EIF2AK4: variants seen among roughly 807,000 people sequenced by gnomAD.
EIF2AK4 encodes the protein eIF-2-alpha kinase GCN2.
A neutral mutation model predicts 211.1 loss-of-function variants in EIF2AK4; 139 were observed. That is an observed-to-expected ratio of 0.66 (90% CI 0.57 to 0.76). The LOEUF (loss-of-function observed/expected upper bound fraction) is 0.76. Among genes scored for constraint, EIF2AK4 ranks in the 30% least tolerant of loss-of-function variants. The probability of loss-of-function intolerance (pLI) is 0.00; values close to 1 mark genes in which losing one functional copy is unlikely to be tolerated. For synonymous variants in EIF2AK4, 710 were observed against 751.3 expected (o/e 0.94, Z 0.90); for missense variants, 1,664 against 2,043.8 (o/e 0.81, Z 3.58).
At chr15:40,023,587 T>C (rs956166508) in intron 32 of EIF2AK4, among the ~76,000 whole-genome samples, 2 of 152,228 alleles carry the variant, frequency 1.3e-5, no homozygotes, top group Non-Finnish European at 1.5e-5. Context: ...TCCCCTGTTA[T>C]TGTTTCACTG....
At chr15:40,002,912 C>T in intron 22 of EIF2AK4, 124 bp downstream of exon 22, 1 of 1,142,070 alleles carries the variant, frequency 8.8e-7, no homozygotes, top group Non-Finnish European at 1.3e-6. Context: ...TAATTGACAT[C>T]ATATGGAATT....
At chr15:40,017,505 A>ATATATATATATATATG (rs2035321236) in intron 29 of EIF2AK4, among the ~76,000 whole-genome samples, 1 of 5,216 alleles carries the variant, frequency 1.9e-4, no homozygotes, top group African/African-American at 7.2e-4. Flanking sequence ...CTGTTTCTAT[A>ATATATATATATATATG]TATATATATA....
In EIF2AK4 at chr15:39,949,137, T is replaced by TA; in HGVS notation, c.383dup (p.Tyr128Ter). The change falls in exon 4 of 39, where the codon TAC (tyrosine) becomes TAAC (stop). Residue 128 changes from tyrosine to a stop codon, truncating the protein, a stop_gained and frameshift_variant. Coordinates refer to ENST00000263791, the MANE Select transcript of EIF2AK4 (RefSeq NM_001013703.4). LOFTEE classifies it high-confidence loss of function. Reference protein sequence around the residue: ...CGEVMIFELAYHVQSFLSEHN... With the variant: ...CGEVMIFELA ...TTAGGTGATGATCTTTGAACTGGCT[T>TA]ACCACGTGCAGTCATTTCTCAGCGA... is the stretch of plus-strand genomic sequence containing the variant. 1 of 1,614,106 alleles carries TA rather than the reference T, an allele frequency of 6.2e-7. No homozygotes were observed. The highest frequency in any genetic ancestry group is 8.5e-7 in the Non-Finnish European group (1 of 1,179,988).
chr15:40,012,579 C>T (rs1359221934), intron 27 of EIF2AK4, among the ~76,000 whole-genome samples: 2 of 152,080 alleles, frequency 1.3e-5, no homozygotes, highest in African/African-American at 2.4e-5. Context: ...AGAGAATCTG[C>T]ACAAGACTGC....
In EIF2AK4 at chr15:40,029,398, G is replaced by T. The variant is rs1191865324; in HGVS notation, c.4503-8G>T. ...GTTCTTTAATTGTTTTTGTTTGCTT[G>T]TTTTTAGAGAAGCTTCCGATAATCT... is the stretch of plus-strand genomic sequence containing the variant. On this transcript the variant is annotated splice_polypyrimidine_tract_variant and splice_region_variant and intron_variant, in intron 33 of 38. Coordinates refer to ENST00000263791, the MANE Select transcript of EIF2AK4 (RefSeq NM_001013703.4). 6.2e-7 allele frequency: 1 copy of T among 1,612,184 alleles called. No individual in the cohort carries two copies. Among genetic ancestry groups the T allele is most frequent in the Admixed American group, 1.7e-5 (1 of 59,886 alleles).
intron 20 of EIF2AK4, among the ~76,000 whole-genome samples, chr15:39,999,707 C>T (rs1259567654): frequency 1.3e-5 from 2 of 152,068 alleles, no homozygotes; most frequent in East Asian, 1.9e-4. Flanking sequence ...CCTATTCTGC[C>T]TCATCTGTTT....
intron 25 of EIF2AK4, 54 bp downstream of exon 25, chr15:40,008,249 G>A (rs2035188405): frequency 6.8e-7 from 1 of 1,479,384 alleles, no homozygotes; most frequent in African/African-American, 1.4e-5. Context: ...TCTTCACCAA[G>A]TGTGGTGGGG....
Position 39,976,470 on chromosome 15 carries a change from G to C in EIF2AK4, c.1875G>C (p.Pro625=), listed in dbSNP as rs776182878. ...CAGTGAAGCGCATCCCCATCAACCC[G>C]GCCAGCCGGCAGTTCCGCAGGATCA... ...CYAVKRIPIN[P]ASRQFRRIKG... Residue 625 remains proline (P), a synonymous_variant, in exon 12 of 39, where the codon CCG becomes CCC. Coordinates refer to ENST00000263791, the MANE Select transcript of EIF2AK4 (RefSeq NM_001013703.4). 11 of 1,610,600 alleles carry C rather than the reference G, an allele frequency of 6.8e-6. No homozygotes were observed. The highest frequency in any genetic ancestry group is 1.3e-5 in the African/African-American group (1 of 74,550).
chr15:39,984,419 T>C (rs992228854), intron 13 of EIF2AK4, among the ~76,000 whole-genome samples: 1 of 152,238 alleles, frequency 6.6e-6, no homozygotes, highest in African/African-American at 2.4e-5. Context: ...GGGAGTAGCA[T>C]TGAATCTATA....
intron 10 of EIF2AK4, among the ~76,000 whole-genome samples, chr15:39,973,327 T>C (rs2034650197): frequency 6.6e-6 from 1 of 152,202 alleles, no homozygotes; most frequent in South Asian, 2.1e-4. Context: ...GGATGGATCA[T>C]GAGACCTGAG....
chr15:40,034,460 G>T lies in EIF2AK4; in HGVS notation c.4892+16G>T. The T allele has an allele frequency of 6.3e-7, 1 of 1,587,666 alleles. No individual in the cohort carries two copies. The highest frequency in any genetic ancestry group is 1.1e-5 in the South Asian group (1 of 90,332). Reference sequence around the variant, plus strand: ...TAGAAAAAAAGTAAGTTATCACTTGGGCATAGCAGGGTTCACATGGTTAAA... The same window carrying T: ...TAGAAAAAAAGTAAGTTATCACTTGTGCATAGCAGGGTTCACATGGTTAAA... On this transcript the variant is annotated intron_variant, in intron 38 of 38. Coordinates refer to ENST00000263791, the MANE Select transcript of EIF2AK4 (RefSeq NM_001013703.4).
intron 36 of EIF2AK4, 76 bp downstream of exon 36, chr15:40,032,313 T>A: frequency 7.4e-7 from 1 of 1,346,284 alleles, no homozygotes; most frequent in East Asian, 2.3e-5. Flanking sequence ...GGTTCAGAGC[T>A]TTTTTGCTCA....
intron 30 of EIF2AK4, 131 bp downstream of exon 30, chr15:40,019,331 C>T (rs2035352387): frequency 1.6e-6 from 1 of 628,638 alleles, no homozygotes; most frequent in East Asian, 3.1e-5. Flanking sequence ...TGAAACTTAC[C>T]TTTAATATGA....
At chr15:40,002,814 T>C in intron 22 of EIF2AK4, 26 bp downstream of exon 22, 1 of 1,612,272 alleles carries the variant, frequency 6.2e-7, no homozygotes, top group Non-Finnish European at 8.5e-7. Context: ...TTAAAAATGA[T>C]ATTTCTTCTC....
chr15:39,984,019 A>T (rs2034830836), intron 13 of EIF2AK4, among the ~76,000 whole-genome samples: 1 of 152,098 alleles, frequency 6.6e-6, no homozygotes, highest in Non-Finnish European at 1.5e-5. Flanking sequence ...ATCTTGAGTT[A>T]ATTTTTGTAT....
In EIF2AK4 at chr15:40,016,564, A is replaced by C; in HGVS notation, c.3822A>C (p.Ile1274=). Residue 1274 remains isoleucine, a synonymous_variant, in exon 28 of 39, where the codon ATA becomes ATC. Coordinates refer to ENST00000263791, the MANE Select transcript of EIF2AK4 (RefSeq NM_001013703.4). ...KGDLQDLMPT[I]NSLIKQKTGI... ...ATTTGCAAGATCTTATGCCAACAATAAATTCATTAATAAAACAGAAAACAG... is the reference window on the plus strand; with the variant it reads ...ATTTGCAAGATCTTATGCCAACAATCAATTCATTAATAAAACAGAAAACAG... 1 of 1,614,212 alleles carries C rather than the reference A, an allele frequency of 6.2e-7. No individual in the cohort carries two copies. Among genetic ancestry groups the C allele is most frequent in the East Asian group, 2.2e-5 (1 of 44,884 alleles).
chr15:39,952,294 CT>C (rs5812148), intron 4 of EIF2AK4, among the ~76,000 whole-genome samples: 123,992 of 128,048 alleles, frequency 0.97, 60,021 homozygotes, highest in South Asian at 0.99. Flanking sequence ...GATTTTTTTT[CT>C]TTTTTTTTTT....
At chr15:40,022,693 G>A in intron 32 of EIF2AK4, 88 bp downstream of exon 32, 3 of 1,191,824 alleles carry the variant, frequency 2.5e-6, no homozygotes, top group Non-Finnish European at 3.7e-6. Context: ...GGCCGTGTAG[G>A]TGACTGGAAA....
At chr15:39,949,360 C>T in intron 4 of EIF2AK4, 92 bp downstream of exon 4, 1 of 1,511,256 alleles carries the variant, frequency 6.6e-7, no homozygotes, top group African/African-American at 1.4e-5. Context: ...ACAAACTTAT[C>T]TTTAAGTTTT....
Sources: allele counts gnomAD v4.1 joint callset (sites outside exome capture counted in the v4.1 genomes callset), GRCh38; gene constraint gnomAD v4.1.1; transcripts MANE v1.5; gene names NCBI Gene and HGNC (gene_info 2026-07-23, HGNC 2026-07-21).